The following TELO2 variants were observed in gnomAD, a reference collection of about 807,000 sequenced individuals.
TELO2 encodes telomere length regulation protein TEL2 homolog.
A neutral mutation model predicts 91.0 loss-of-function variants in TELO2; 71 were observed. That is an observed-to-expected ratio of 0.78 (90% CI 0.64 to 0.95). The LOEUF (loss-of-function observed/expected upper bound fraction) is 0.95. Ranked by LOEUF, TELO2 falls within the 40% of genes least tolerant of loss-of-function variation. The probability of loss-of-function intolerance (pLI) is 0.00; values close to 1 mark genes in which losing one functional copy is unlikely to be tolerated. For missense variants in TELO2, 1,183 were observed against 1,141.3 expected, an observed-to-expected ratio of 1.04 and a Z score of -0.53; for synonymous variants, 584 against 518.9, an observed-to-expected ratio of 1.13 and a Z score of -1.71.
chr16:1,507,846 C>CGG (rs2039962373), intron 20 of TELO2, 130 bp downstream of exon 20: 3 of 310,960 alleles, frequency 9.6e-6, no homozygotes, highest in South Asian at 3.9e-5. Flanking sequence ...TGTGTTGGCC[C>CGG]GGGGTGTGTG....
chr16:1,502,646 T>C lies in TELO2; in HGVS notation c.1655T>C (p.Val552Ala), dbSNP rs2039734721. 3 of 1,610,960 alleles carry C rather than the reference T, an allele frequency of 1.9e-6. No homozygotes were observed. In the African/African-American group the frequency reaches 4.0e-5, roughly 22 times the overall value. The stretch of plus-strand genomic sequence containing the variant: ...CCCAGCCCTAACCCCTGCGTGCAGG[T>C]GAGCGTGGAGCTGGCCAAGGTGCTT... ...VYRSPTATRE[V>A]SVELAKVLLH... The change falls in exon 14 of 21, where the codon GTG becomes GCG. Residue 552 changes from valine (V) to alanine (A), a missense_variant and splice_region_variant. Val to Ala is a moderately conservative substitution (Grantham distance 64, BLOSUM62 0). Transcript: ENST00000262319.
At position 1,497,561 on chromosome 16, in the gene TELO2, C is replaced by T. The variant is rs924102247; in HGVS notation, c.830+53C>T. The stretch of plus-strand genomic sequence containing the variant: ...CACTGGCTTCTGGGGTCTGGACCCC[C>T]AGAGGCTGCCATTCCTTCACGCTAC... On this transcript the variant is annotated intron_variant, in intron 5 of 20. Transcript: ENST00000262319. The surrounding 1 kb of genome is among the most constrained non-coding windows in gnomAD (Gnocchi z 4.0). The T allele has an allele frequency of 1.5e-5, 22 of 1,496,194 alleles. No individual in the cohort carries two copies. Among genetic ancestry groups the T allele is most frequent in the Non-Finnish European group, 2.0e-5 (22 of 1,121,952 alleles). 92.7% of individuals were successfully genotyped at this position (1,496,194 alleles called of 1,614,324 possible).
In TELO2 at chr16:1,502,726, G is replaced by T. The variant is rs746407859; in HGVS notation, c.1735G>T (p.Ala579Ser). ...VVGFAGLRQR[A>S]LVAVTVTDPA... is the part of the protein sequence containing the mutation. ...GGGATTTGCAGGGCTGCGCCAGAGAGCCCTGGTGGCCGTCACGGTCACAGA... is the reference window on the plus strand; with the variant it reads ...GGGATTTGCAGGGCTGCGCCAGAGATCCCTGGTGGCCGTCACGGTCACAGA... The change falls in exon 14 of 21, where the codon GCC (alanine) becomes TCC (serine). Residue 579 changes from alanine (A) to serine (S), a missense_variant. Ala to Ser is a moderately conservative substitution (Grantham distance 99). Transcript: ENST00000262319. 1 of 1,612,500 alleles carries T rather than the reference G, an allele frequency of 6.2e-7. No individual in the cohort carries two copies. The highest frequency in any genetic ancestry group is 1.1e-5 in the South Asian group (1 of 91,090).
intron 20 of TELO2, among the ~76,000 whole-genome samples, chr16:1,509,455 G>A (rs1029186320): frequency 6.6e-6 from 1 of 152,188 alleles, no homozygotes; most frequent in African/African-American, 2.4e-5. Flanking sequence ...CCTCCCCACA[G>A]GCGGGTGGCA....
At chr16:1,506,152 T>G (rs551156495) in intron 16 of TELO2, 86 bp from the exon 17 acceptor site, 2 of 1,467,770 alleles carry the variant, frequency 1.4e-6, no homozygotes. Flanking sequence ...AGGTCCACGC[T>G]GCTTTGTGGG....
rs1012775755 is a variant in TELO2 at position 1,497,137 on chromosome 16, C to T, written c.682+33C>T. ...GAGCAGTGCCTTCCTGCCCATCCTGCCCCGACCCTCACAGCCCATCAGCCT... is the reference window on the plus strand; with the variant it reads ...GAGCAGTGCCTTCCTGCCCATCCTGTCCCGACCCTCACAGCCCATCAGCCT... On this transcript the variant is annotated intron_variant, in intron 4 of 20. Transcript: ENST00000262319. This position sits in a 1 kb window ranked among gnomAD's most constrained non-coding sequence, Gnocchi z 4.0. The T allele has an allele frequency of 6.2e-7, 1 of 1,612,198 alleles. No individual in the cohort carries two copies. Among genetic ancestry groups the T allele is most frequent in the East Asian group, 2.2e-5 (1 of 44,850 alleles).
intron 15 of TELO2, among the ~76,000 whole-genome samples, chr16:1,504,773 G>C (rs2039830003): frequency 6.6e-6 from 1 of 151,722 alleles, no homozygotes; most frequent in African/African-American, 2.4e-5. Context: ...TAGCCAGGAT[G>C]GTCTCAATCT....
At position 1,507,815 on chromosome 16, in the gene TELO2, T is replaced by C. The variant is rs1467967781; in HGVS notation, c.2407+99T>C. 3 of 592,818 alleles carry C rather than the reference T, an allele frequency of 5.1e-6. No homozygotes were observed. In the East Asian group the frequency reaches 2.0e-4, roughly 39 times the overall value. The allele number at this position is 592,818 out of a possible 1,614,324, so 36.7% of individuals were successfully genotyped here. ...GTGAGAGATGTGTCGGCCCGGGGTG[T>C]GTGTGTGTGTGTGTGTGATGTGTGT... On this transcript the variant is annotated intron_variant, in intron 20 of 20. Transcript: ENST00000262319.
chr16:1,507,774 ATGTG>A (rs1258445053), intron 20 of TELO2, 58 bp downstream of exon 20: 13 of 1,025,306 alleles, frequency 1.3e-5, no homozygotes, highest in Non-Finnish European at 1.4e-5. Flanking sequence ...GTGTGTGTGT[ATGTG>A]TGTGTGTGTG....
chr16:1,507,386 G>T lies in TELO2; in HGVS notation c.2291+16G>T. ...ACATCGATGCGTGAGTGGCCTGTGG[G>T]GCTGGGCCAGGCCAGGGGTGCAGGC... On this transcript the variant is annotated intron_variant, in intron 19 of 20. Transcript: ENST00000262319. 6.2e-7 allele frequency: 1 copy of T among 1,609,042 alleles called. No individual in the cohort carries two copies.
chr16:1,499,647 G>T (rs1041977120), intron 6 of TELO2, among the ~76,000 whole-genome samples: 2 of 152,258 alleles, frequency 1.3e-5, no homozygotes, highest in East Asian at 3.9e-4. Context: ...ACACAGAGGA[G>T]GTCGTGCATT....
Position 1,502,771 on chromosome 16 carries a change from C to T in TELO2, c.1770+10C>T, listed in dbSNP as rs142803978. 34,881 of 1,610,498 alleles carry T rather than the reference C, an allele frequency of 0.022. 465 individuals are homozygous for T. Among genetic ancestry groups the T allele is most frequent in the Non-Finnish European group, 0.024 (28,463 of 1,179,528 alleles). On this transcript the variant is annotated intron_variant, in intron 14 of 20. Transcript: ENST00000262319. ...CACAGACCCGGCCCCGGTGAGTTCC[C>T]GCACCCGTGGCCCTGGCCAGTGCAG...
intron 15 of TELO2, 24 bp downstream of exon 15, chr16:1,503,026 C>A (rs1307871884): frequency 6.2e-7 from 1 of 1,607,142 alleles, no homozygotes; most frequent in Non-Finnish European, 8.5e-7. Flanking sequence ...GGGCCTCAGT[C>A]CCCCTGGTCT....
In TELO2 at chr16:1,507,238, C is replaced by A. The variant is rs1029967408; in HGVS notation, c.2227-68C>A. 35 of 1,577,852 alleles carry A rather than the reference C, an allele frequency of 2.2e-5. No homozygotes were observed. In the Admixed American group the frequency reaches 3.5e-4, roughly 16 times the overall value. On this transcript the variant is annotated intron_variant, in intron 18 of 20. Coordinates refer to ENST00000262319, the MANE Select transcript of TELO2 (RefSeq NM_016111.4). ...CCTGCTGCTGCCCAGCAGCGGAAGC[C>A]GCCCATGGGTGCTGGGATGTGGGGA...
In TELO2 at chr16:1,507,372, T is replaced by A; in HGVS notation, c.2291+2T>A. On this transcript the variant is annotated splice_donor_variant, in intron 19 of 20. Coordinates refer to ENST00000262319, the MANE Select transcript of TELO2 (RefSeq NM_016111.4). LOFTEE classifies it high-confidence loss of function. ...GGCCCTTCGCTTCCACATCGATGCG[T>A]GAGTGGCCTGTGGGGCTGGGCCAGG... 13 of 1,610,324 alleles carry A rather than the reference T, an allele frequency of 8.1e-6. No individual in the cohort carries two copies. The highest frequency in any genetic ancestry group is 1.1e-5 in the Non-Finnish European group (13 of 1,179,820).
chr16:1,506,713 C>T, intron 17 of TELO2: 1 of 1,387,668 alleles, frequency 7.2e-7, no homozygotes, highest in Non-Finnish European at 9.3e-7. Flanking sequence ...GGTTGTGCTG[C>T]AGCAGGGGTG....
Position 1,500,722 on chromosome 16 carries a change from G to T in TELO2, c.1281+23G>T, listed in dbSNP as rs746897652. The T allele has an allele frequency of 2.5e-6, 4 of 1,609,942 alleles. No homozygotes were observed. The South Asian group carries it at 3.3e-5, about 13-fold the overall frequency. ...CAGGTGAGCGGGCCGTCCCCTCCGC[G>T]TCCCCGTGTGGCTGGCCCGGGTCTC... On this transcript the variant is annotated intron_variant, in intron 9 of 20. Transcript: ENST00000262319.
rs1187584778 is a variant in TELO2, at chr16:1,494,862, G to A, written c.335+246G>A. Among the ~76,000 whole-genome samples the A allele has an allele frequency of 6.6e-6, 1 of 152,194 alleles. No homozygotes were observed. Among genetic ancestry groups the A allele is most frequent in the South Asian group, 2.1e-4 (1 of 4,834 alleles). On this transcript the variant is annotated intron_variant, in intron 2 of 20. Transcript: ENST00000262319. The surrounding 1 kb of genome is among the most constrained non-coding windows in gnomAD (Gnocchi z 5.6). The stretch of plus-strand genomic sequence containing the variant: ...GCTGTGTCAGAGAGGGATGGGGTGG[G>A]AGTGTTCACATCCCAGGCGGCAGAG...
At chr16:1,498,311 G>A (rs1171224369) in intron 5 of TELO2, among the ~76,000 whole-genome samples, 2 of 152,178 alleles carry the variant, frequency 1.3e-5, no homozygotes, top group Non-Finnish European at 2.9e-5. Context: ...CCCTGCACCC[G>A]GCTGACTTTG....
Sources: allele counts gnomAD v4.1 joint callset (sites outside exome capture counted in the v4.1 genomes callset), GRCh38; gene constraint gnomAD v4.1.1; non-coding constraint Gnocchi (gnomAD v3.1); transcripts MANE v1.5; gene names NCBI Gene and HGNC (gene_info 2026-07-23, HGNC 2026-07-21).